SNX29: variants seen among roughly 807,000 people sequenced by gnomAD.
The protein encoded by SNX29 is sorting nexin 29, also known as sorting nexin-29.
Under a neutral mutation model 102.1 loss-of-function variants are expected in SNX29, and 78 were observed. The ratio of observed to expected loss-of-function variants is 0.76; its 90% CI spans 0.64 to 0.92. The LOEUF is 0.92. SNX29 is among the 40% of genes least tolerant of loss of function. The pLI, the probability that SNX29 is intolerant of heterozygous loss-of-function variation, is 0.00. For missense variants in SNX29, 1,280 were observed against 1,061.7 expected (o/e 1.21, Z -2.86); for synonymous variants, 580 against 414.5 (o/e 1.40, Z -4.85).
chr16:12,020,783 T>C (rs2056996318), intron 3 of SNX29, among the ~76,000 whole-genome samples: 1 of 151,922 alleles, frequency 6.6e-6, no homozygotes, highest in African/African-American at 2.4e-5. Flanking sequence ...GCCACCATGC[T>C]CAGCTAATTT....
chr16:12,078,073 A>G (rs2051671405), intron 10 of SNX29, among the ~76,000 whole-genome samples: 1 of 152,218 alleles, frequency 6.6e-6, no homozygotes, highest in Admixed American at 6.5e-5. Flanking sequence ...AAGCATCTCT[A>G]ACTCACAAAT....
At chr16:12,291,719 C>A (rs2079801335) in intron 15 of SNX29, among the ~76,000 whole-genome samples, 2 of 152,140 alleles carry the variant, frequency 1.3e-5, no homozygotes, top group South Asian at 4.1e-4. Context: ...CTGGCTTGTG[C>A]TAAGACAGGG....
At chr16:12,287,473 G>C (rs1446106534) in intron 15 of SNX29, among the ~76,000 whole-genome samples, 3 of 152,050 alleles carry the variant, frequency 2.0e-5, no homozygotes, top group Admixed American at 6.5e-5. Context: ...ATCAACTCTT[G>C]TCCAGTCTTG....
intron 16 of SNX29, among the ~76,000 whole-genome samples, chr16:12,382,010 C>G (rs182797715): frequency 2.0e-5 from 3 of 151,720 alleles, no homozygotes; most frequent in African/African-American, 7.3e-5. Flanking sequence ...CTAAAGTCAT[C>G]ACGTTCATCA....
intron 18 of SNX29, among the ~76,000 whole-genome samples, chr16:12,435,949 G>A (rs146054454): frequency 7.0e-4 from 106 of 152,328 alleles, no homozygotes; most frequent in African/African-American, 2.4e-3. Context: ...CCACACACGT[G>A]CCGCGCGTTA....
At position 12,042,928 on chromosome 16, in the gene SNX29, C is replaced by G; in HGVS notation, c.279C>G (p.Val93=). ...TGTTCTGGTACTACGTGAAGGAGGT[C>G]CTCAACAAGCACGAGCTGCAGCGCT... is the stretch of plus-strand genomic sequence containing the variant. The part of the protein sequence containing the change: ...EPVFWYYVKE[V]LNKHELQRFY... The change falls in exon 5 of 21, where the codon GTC becomes GTG. Residue 93 remains valine, a synonymous_variant. Coordinates refer to ENST00000566228, the MANE Select transcript of SNX29 (RefSeq NM_032167.5). The G allele has an allele frequency of 6.2e-7, 1 of 1,613,264 alleles. No homozygotes were observed. Among genetic ancestry groups the G allele is most frequent in the South Asian group, 1.1e-5 (1 of 91,014 alleles).
At chr16:12,550,513 A>ATGTAAT (rs2077903806) in intron 20 of SNX29, among the ~76,000 whole-genome samples, 1 of 145,938 alleles carries the variant, frequency 6.9e-6, no homozygotes, top group Non-Finnish European at 1.5e-5. Flanking sequence ...CCAGTCTGGG[A>ATGTAAT]GACACAGTCT....
intron 16 of SNX29, among the ~76,000 whole-genome samples, chr16:12,395,181 C>T (rs774801423): frequency 6.6e-6 from 1 of 152,116 alleles, no homozygotes; most frequent in Non-Finnish European, 1.5e-5. Context: ...TTTGGCAGAA[C>T]CTCTAGTGTC....
intron 20 of SNX29, among the ~76,000 whole-genome samples, chr16:12,565,738 C>G (rs889398038): frequency 2.6e-5 from 4 of 152,332 alleles, no homozygotes; most frequent in African/African-American, 7.2e-5. Flanking sequence ...AAGTCCACCC[C>G]CTCCCCATGG....
chr16:12,572,527 CCACA>C lies in SNX29; in HGVS notation c.*3899_*3902del. 4 of 1,064,210 alleles carry C rather than the reference CCACA, an allele frequency of 3.8e-6. No individual in the cohort carries two copies. Among genetic ancestry groups the C allele is most frequent in the Non-Finnish European group, 4.6e-6 (4 of 878,586 alleles). The allele number at this position is 1,064,210 out of a possible 1,614,324, so 65.9% of individuals were successfully genotyped here. On this transcript the variant is annotated 3_prime_UTR_variant, in exon 21 of 21. Transcript: ENST00000566228. ...CTTCCTGCTCCACGTGCTCAAGCCC[CCACA>C]GGGGGCTGCGACACCATCTGGCTCC... is the stretch of plus-strand genomic sequence containing the variant.
At chr16:12,448,787 A>G (rs2086175194) in intron 18 of SNX29, among the ~76,000 whole-genome samples, 2 of 152,278 alleles carry the variant, frequency 1.3e-5, no homozygotes, top group Admixed American at 6.5e-5. Flanking sequence ...CTCCAAGACA[A>G]CAAGCTGTCC....
Position 12,512,367 on chromosome 16 carries a change from AAAATATATATATATATATAT to A in SNX29, c.2179-12333_2179-12314del, listed in dbSNP as rs1342860609. On this transcript the variant is annotated intron_variant, in intron 19 of 20. Transcript: ENST00000566228. Reference sequence around the variant, plus strand: ...TACGTCCATCATGGAAGGCCCAGGGAAAATATATATATATATATATATATATATATATATATATATATATA... The same window carrying A: ...TACGTCCATCATGGAAGGCCCAGGGAATATATATATATATATATATATATA... Among the ~76,000 whole-genome samples the A allele has an allele frequency of 5.8e-3, 228 of 39,484 alleles. 9 individuals carry two copies. The highest frequency in any genetic ancestry group is 0.027 in the East Asian group (48 of 1,752). 25.9% of individuals were successfully genotyped at this position (39,484 alleles called of 152,430 possible). A position where few individuals can be genotyped will look rare whatever the true frequency, so the allele number is the denominator to read the frequency against.
intron 10 of SNX29, among the ~76,000 whole-genome samples, chr16:12,075,434 A>T (rs1457797065): frequency 6.6e-6 from 1 of 152,118 alleles, no homozygotes; most frequent in East Asian, 1.9e-4. Context: ...TCCACTCCAG[A>T]CCCTGTTTGC....
chr16:12,434,576 C>G (rs1195869288), intron 18 of SNX29, among the ~76,000 whole-genome samples: 1 of 152,114 alleles, frequency 6.6e-6, no homozygotes. Context: ...CTGAAACAGC[C>G]TTGTGTACCC....
intron 18 of SNX29, among the ~76,000 whole-genome samples, chr16:12,419,667 G>A (rs748234971): frequency 5.9e-5 from 9 of 151,932 alleles, no homozygotes; most frequent in African/African-American, 1.9e-4. Context: ...GGCCTGCATC[G>A]TCTTGGAAAT....
chr16:12,129,840 C>G (rs1314341398), intron 13 of SNX29, 82 bp downstream of exon 13: 4 of 1,458,426 alleles, frequency 2.7e-6, no homozygotes, highest in African/African-American at 1.4e-5. Flanking sequence ...CACGGTGGCT[C>G]ATGCCTGTAA....
chr16:12,247,598 A>G (rs1162903422), intron 14 of SNX29, among the ~76,000 whole-genome samples: 1 of 152,170 alleles, frequency 6.6e-6, no homozygotes, highest in Non-Finnish European at 1.5e-5. Context: ...CATCAGGTCC[A>G]TGTTCCATTT....
chr16:12,432,174 T>C (rs941797166), intron 18 of SNX29, among the ~76,000 whole-genome samples: 2 of 152,224 alleles, frequency 1.3e-5, no homozygotes, highest in African/African-American at 2.4e-5. Flanking sequence ...TCTTCATTGA[T>C]TGGGGCAGGA....
At chr16:12,516,713 AAG>A (rs1389638339) in intron 19 of SNX29, among the ~76,000 whole-genome samples, 2 of 152,170 alleles carry the variant, frequency 1.3e-5, no homozygotes, top group African/African-American at 4.8e-5. Context: ...TGAAAAGAAA[AAG>A]AACTTTGGAA....
Sources: gnomAD v4.1 joint callset for allele counts (sites outside exome capture counted in the v4.1 genomes callset) on GRCh38, gnomAD v4.1.1 for gene constraint, MANE v1.5 for transcripts, NCBI Gene and HGNC (gene_info 2026-07-23, HGNC 2026-07-21) for gene names.